The following COL27A1 variants were observed in gnomAD, a reference collection of about 807,000 sequenced individuals.
COL27A1 encodes collagen type XXVII alpha 1 chain.
In COL27A1, 106 loss-of-function variants were observed where a neutral mutation model predicts 251.3. The ratio of observed to expected loss-of-function variants is 0.42; its 90% CI spans 0.36 to 0.50. The LOEUF (loss-of-function observed/expected upper bound fraction) is 0.50, where lower values mean the gene tolerates loss of function less well. COL27A1 is among the 20% of genes least tolerant of loss of function. The pLI is 0.00. For missense variants in COL27A1, 2,325 were observed against 2,522.8 expected (o/e 0.92, Z 1.68); for synonymous variants, 1,000 against 986.3 (o/e 1.01, Z -0.26).
At chr9:114,182,885 C>T (rs1399950714) in intron 4 of COL27A1, 137 bp from the exon 5 acceptor site, 12 of 757,374 alleles carry the variant, frequency 1.6e-5, no homozygotes, top group Middle Eastern at 2.6e-4. Context: ...TGAGTGGCCA[C>T]GACAGTGTTG....
intron 24 of COL27A1, among the ~76,000 whole-genome samples, chr9:114,248,158 G>C (rs556385717): frequency 6.6e-6 from 1 of 152,248 alleles, no homozygotes; most frequent in African/African-American, 2.4e-5. Flanking sequence ...TGCCTGCCTC[G>C]AGGGCTGAAA....
chr9:114,194,644 A>G (rs1828982174), intron 6 of COL27A1, among the ~76,000 whole-genome samples, 187 bp downstream of exon 6: 1 of 152,172 alleles, frequency 6.6e-6, no homozygotes, highest in Non-Finnish European at 1.5e-5. Context: ...CCAACACCAA[A>G]CCCACCCAAG....
At chr9:114,258,502 T>TA (rs1268647946) in intron 27 of COL27A1, 39 bp from the exon 28 acceptor site, 2 of 1,596,948 alleles carry the variant, frequency 1.3e-6, no homozygotes, top group Admixed American at 3.5e-5. Context: ...TCTCACTTCC[T>TA]AAAAAGGGGC....
chr9:114,207,082 G>A (rs1212187278), intron 10 of COL27A1, among the ~76,000 whole-genome samples: 1 of 152,224 alleles, frequency 6.6e-6, no homozygotes, highest in African/African-American at 2.4e-5. Context: ...AGGCGGATCT[G>A]GGATGGGGAC....
In COL27A1 at chr9:114,302,113, G is replaced by A. The variant is rs1268995214; in HGVS notation, c.4872+5G>A. ...CCAGGGGGTCCTATCCAATTGGTAA[G>A]TTGGAAACCTTCTCTTTTGCCTACT... On this transcript the variant is annotated splice_donor_5th_base_variant and intron_variant, in intron 56 of 60. Transcript: ENST00000356083. 6.2e-7 allele frequency: 1 copy of A among 1,611,856 alleles called. No homozygotes were observed.
chr9:114,295,449 A>G (rs1828197865), intron 49 of COL27A1, among the ~76,000 whole-genome samples: 1 of 152,228 alleles, frequency 6.6e-6, no homozygotes, highest in South Asian at 2.1e-4. Context: ...CCTAATATAC[A>G]TATGAAATAT....
intron 6 of COL27A1, 33 bp from the exon 7 acceptor site, chr9:114,195,926 T>C (rs775341562): frequency 1.9e-6 from 3 of 1,556,052 alleles, no homozygotes; most frequent in Admixed American, 1.7e-5. Flanking sequence ...GCTCCCGTTT[T>C]CCTGCCTCAC....
intron 40 of COL27A1, 130 bp from the exon 41 acceptor site, chr9:114,284,594 C>A: frequency 1.1e-6 from 1 of 897,932 alleles, no homozygotes; most frequent in Non-Finnish European, 1.8e-6. Flanking sequence ...CAGACTTACT[C>A]AGAGCCACAC....
At chr9:114,156,093 G>A (rs1848103873) in intron 1 of COL27A1, 81 bp downstream of exon 1, 3 of 1,288,096 alleles carry the variant, frequency 2.3e-6, no homozygotes, top group Non-Finnish European at 3.0e-6. Flanking sequence ...CCCGCCATGC[G>A]GTCGCTTCCA....
chr9:114,208,573 A>G (rs1347513044), intron 10 of COL27A1, among the ~76,000 whole-genome samples: 3 of 152,270 alleles, frequency 2.0e-5, no homozygotes, highest in Non-Finnish European at 4.4e-5. Context: ...TTCGTGCTCA[A>G]TAAACATTAG....
intron 11 of COL27A1, 106 bp from the exon 12 acceptor site, chr9:114,210,876 G>A (rs1373082753): frequency 1.1e-5 from 12 of 1,115,914 alleles, no homozygotes; most frequent in Non-Finnish European, 1.6e-5. Flanking sequence ...CACATTCCAG[G>A]CCCTCTGTGA....
Position 114,155,830 on chromosome 9 carries a change from TG to T in COL27A1, c.-116del. 2.4e-6 allele frequency: 2 copies of T among 822,068 alleles called. No homozygotes were observed. Among genetic ancestry groups the T allele is most frequent in the Non-Finnish European group, 2.9e-6 (2 of 680,124 alleles). 50.9% of individuals were successfully genotyped at this position (822,068 alleles called of 1,614,324 possible). On this transcript the variant is annotated 5_prime_UTR_variant, in exon 1 of 61. An upstream open reading frame in the 5' UTR loses its in-frame stop. Transcript: ENST00000356083. This position sits in a 1 kb window ranked among gnomAD's most constrained non-coding sequence, Gnocchi z 5.5. The stretch of plus-strand genomic sequence containing the variant: ...GGCGCCCCTGGGCGCGGGGCTGCGC[TG>T]GGGGCGCGGGGGCCGCGCGCTCTAA...
At chr9:114,261,862 G>T (rs2808768) in intron 28 of COL27A1, among the ~76,000 whole-genome samples, 81,971 of 152,062 alleles carry the variant, frequency 0.54, 22,639 homozygotes, top group East Asian at 0.62. Flanking sequence ...GCCTGTTTCT[G>T]TCCCTGTGAA....
chr9:114,243,203 C>G (rs1588746012), intron 22 of COL27A1, among the ~76,000 whole-genome samples: 1 of 152,334 alleles, frequency 6.6e-6, no homozygotes, highest in Middle Eastern at 3.4e-3. Flanking sequence ...CCCTGCACCC[C>G]CCGATCATCT....
In COL27A1 at chr9:114,288,739, G is replaced by C; in HGVS notation, c.4082G>C (p.Gly1361Ala). Residue 1361 changes from glycine to alanine, a missense_variant, in exon 43 of 61, where the codon GGA becomes GCA. Physicochemically the swap from Gly to Ala is moderately conservative, Grantham distance 60 (BLOSUM62 0). This residue lies in a region of COL27A1 where 662 missense variants were observed against 795.3 expected (regional missense o/e 0.83). Transcript: ENST00000356083. ...GATCGAGGAGACCGCGGGGAACCGGGAGACCCTGGGTACCCTGTAAGTATC... is the reference window on the plus strand; with the variant it reads ...GATCGAGGAGACCGCGGGGAACCGGCAGACCCTGGGTACCCTGTAAGTATC... ...VGDRGDRGEP[G>A]DPGYPGQEGV... The C allele has an allele frequency of 6.2e-7, 1 of 1,610,990 alleles. No individual in the cohort carries two copies. The highest frequency in any genetic ancestry group is 8.5e-7 in the Non-Finnish European group (1 of 1,177,556).
In COL27A1 at chr9:114,310,854, G is replaced by A; in HGVS notation, c.*159G>A. On this transcript the variant is annotated 3_prime_UTR_variant, in exon 61 of 61. Transcript: ENST00000356083. ...TGTCTGCCCAGTAGAAGTGGGTGGGGGTAGGAGGGGATAGGGTGTCCTTGG... is the reference window on the plus strand; with the variant it reads ...TGTCTGCCCAGTAGAAGTGGGTGGGAGTAGGAGGGGATAGGGTGTCCTTGG... 1.5e-6 allele frequency: 1 copy of A among 661,972 alleles called. No individual in the cohort carries two copies. The highest frequency in any genetic ancestry group is 2.5e-6 in the Non-Finnish European group (1 of 397,086). 41.0% of individuals were successfully genotyped at this position (661,972 alleles called of 1,614,324 possible).
At chr9:114,185,427 G>T (rs1290486872) in intron 5 of COL27A1, among the ~76,000 whole-genome samples, 1 of 152,248 alleles carries the variant, frequency 6.6e-6, no homozygotes, top group African/African-American at 2.4e-5. Flanking sequence ...GAGCAGGCTG[G>T]TGGGAGGCCC....
chr9:114,289,038 T>C, intron 44 of COL27A1, 71 bp downstream of exon 44: 1 of 1,569,416 alleles, frequency 6.4e-7, no homozygotes, highest in East Asian at 2.2e-5. Context: ...ATTAAAGAAC[T>C]AGGCCCTTTA....
chr9:114,176,002 C>T (rs1827408343), intron 3 of COL27A1, among the ~76,000 whole-genome samples: 1 of 152,136 alleles, frequency 6.6e-6, no homozygotes, highest in South Asian at 2.1e-4. Flanking sequence ...TACTCAAGGC[C>T]ATATACCTAG....
Sources: allele counts gnomAD v4.1 joint callset (sites outside exome capture counted in the v4.1 genomes callset), GRCh38; gene constraint gnomAD v4.1.1; regional missense constraint gnomAD v4.1.1; non-coding constraint Gnocchi (gnomAD v3.1); transcripts MANE v1.5; gene names NCBI Gene and HGNC (gene_info 2026-07-23, HGNC 2026-07-21).